SNX33: variants seen among roughly 807,000 people sequenced by gnomAD.
SNX33 encodes sorting nexin-33.
SNX33 carries 19 observed loss-of-function variants against 38.8 expected under a neutral mutation model. That is an observed-to-expected ratio of 0.49 (90% CI 0.34 to 0.72). The LOEUF is 0.72. SNX33 is among the 30% of genes least tolerant of loss of function. SNX33 has a pLI of 0.01. For synonymous variants in SNX33, 246 were observed against 289.7 expected (o/e 0.85, Z 1.53); for missense variants, 641 against 776.4 (o/e 0.83, Z 2.07).
rs1893608401 is a variant in SNX33, at chr15:75,653,425, A to G, written c.1471+2852A>G. 1.3e-5 allele frequency among the ~76,000 whole-genome samples: 2 copies of G among 152,218 alleles called. 1 individual carries two copies. ...ATGGACCCCCAACTTGACAGCCAGC[A>G]AGAGCGGGGCTGGTCCTAAGGCTCA... On this transcript the variant is annotated intron_variant, in intron 1 of 1. Coordinates refer to ENST00000308527, the MANE Select transcript of SNX33 (RefSeq NM_153271.2).
In SNX33 at chr15:75,648,467, C is replaced by CTTGGACTCGATT; in HGVS notation, c.-636_-635insTTGGACTCGATT. 1 of 985,432 alleles carries CTTGGACTCGATT rather than the reference C, an allele frequency of 1.0e-6. No homozygotes were observed. Among genetic ancestry groups the CTTGGACTCGATT allele is most frequent in the Non-Finnish European group, 1.2e-6 (1 of 829,956 alleles). The allele number at this position is 985,432 out of a possible 1,614,324, so 61.0% of individuals were successfully genotyped here. A position where few individuals can be genotyped will look rare whatever the true frequency, so the allele number is the denominator to read the frequency against. On this transcript the variant is annotated 5_prime_UTR_variant, in exon 1 of 2. Coordinates refer to ENST00000308527, the MANE Select transcript of SNX33 (RefSeq NM_153271.2). The surrounding 1 kb of genome is among the most constrained non-coding windows in gnomAD (Gnocchi z 4.4). ...TGGCTCGTTGTGAAGCCGGACACAT[C>CTTGGACTCGATT]CACCCTTGGACTCGATTCAGGCGGC...
At position 75,653,658 on chromosome 15, in the gene SNX33, C is replaced by T. The variant is rs543292837; in HGVS notation, c.1471+3085C>T. ...AAGAGGAGGGAGGAAGGCTTGGGTGCTCCTTCACTGGTCCTGTGGGCTAGA... is the reference window on the plus strand; with the variant it reads ...AAGAGGAGGGAGGAAGGCTTGGGTGTTCCTTCACTGGTCCTGTGGGCTAGA... On this transcript the variant is annotated intron_variant, in intron 1 of 1. Coordinates refer to ENST00000308527, the MANE Select transcript of SNX33 (RefSeq NM_153271.2). Among the ~76,000 whole-genome samples the T allele has an allele frequency of 9.2e-5, 14 of 152,304 alleles. No individual in the cohort carries two copies. The South Asian group carries it at 2.7e-3, about 29-fold the overall frequency.
chr15:75,654,139 C>T (rs538954257), intron 1 of SNX33, among the ~76,000 whole-genome samples: 1 of 151,844 alleles, frequency 6.6e-6, no homozygotes, highest in East Asian at 1.9e-4. Flanking sequence ...GTTTTCAAGC[C>T]ATAACATGTA....
At position 75,657,077 on chromosome 15, in the gene SNX33, C is replaced by T. The variant is rs752831144; in HGVS notation, c.1587C>T (p.Ala529=). Residue 529 remains alanine, a synonymous_variant, in exon 2 of 2, where the codon GCC becomes GCT. Coordinates refer to ENST00000308527, the MANE Select transcript of SNX33 (RefSeq NM_153271.2). The surrounding 1 kb of genome is among the most constrained non-coding windows in gnomAD (Gnocchi z 5.5). ...GCGTGGTGGGTTTCGCCCTGCAGGC[C>T]GAGATGAACCACTTCCACCAGCGCC... is the stretch of plus-strand genomic sequence containing the variant. ...RCRVVGFALQ[A]EMNHFHQRRE... 12 of 1,614,044 alleles carry T rather than the reference C, an allele frequency of 7.4e-6. No individual in the cohort carries two copies. The highest frequency in any genetic ancestry group is 4.5e-5 in the East Asian group (2 of 44,894).
At position 75,657,146 on chromosome 15, in the gene SNX33, G is replaced by T. The variant is rs776578368; in HGVS notation, c.1656G>T (p.Gln552His). The stretch of plus-strand genomic sequence containing the variant: ...ACATGATGCAGAACTACTTGCGCCA[G>T]CAGATCCTCTTCTACCAGCGGGTGG... ...FKHMMQNYLR[Q>H]QILFYQRVGQ... The change falls in exon 2 of 2, where the codon CAG becomes CAT. Residue 552 changes from glutamine to histidine, a missense_variant. Gln to His is a conservative substitution (Grantham distance 24). Coordinates refer to ENST00000308527, the MANE Select transcript of SNX33 (RefSeq NM_153271.2). This position sits in a 1 kb window ranked among gnomAD's most constrained non-coding sequence, Gnocchi z 5.5. 10 of 1,614,178 alleles carry T rather than the reference G, an allele frequency of 6.2e-6. No homozygotes were observed. Among genetic ancestry groups the T allele is most frequent in the Non-Finnish European group, 7.6e-6 (9 of 1,180,012 alleles).
Position 75,648,952 on chromosome 15 carries a change from C to G in SNX33, c.-151C>G. On this transcript the variant is annotated 5_prime_UTR_variant, in exon 1 of 2. In the 5' UTR this introduces an upstream ATG that the reference lacks. Coordinates refer to ENST00000308527, the MANE Select transcript of SNX33 (RefSeq NM_153271.2). This position sits in a 1 kb window ranked among gnomAD's most constrained non-coding sequence, Gnocchi z 4.4. ...TGAAGAGGGGGAGACTGGACAGCATCTGTGGGTGCTGAGACCCCACCTTAG... is the reference window on the plus strand; with the variant it reads ...TGAAGAGGGGGAGACTGGACAGCATGTGTGGGTGCTGAGACCCCACCTTAG... 1.1e-6 allele frequency: 1 copy of G among 915,786 alleles called. No homozygotes were observed. The highest frequency in any genetic ancestry group is 1.6e-6 in the Non-Finnish European group (1 of 632,082). The allele number at this position is 915,786 out of a possible 1,614,324, so 56.7% of individuals were successfully genotyped here. A position where few individuals can be genotyped will look rare whatever the true frequency, so the allele number is the denominator to read the frequency against.
chr15:75,656,958 C>T lies in SNX33; in HGVS notation c.1472-4C>T, dbSNP rs142340520. 4.8e-3 allele frequency: 7,682 copies of T among 1,611,650 alleles called. 480 individuals carry two copies. The Admixed American group carries it at 0.11, about 23-fold the overall frequency. On this transcript the variant is annotated splice_polypyrimidine_tract_variant and splice_region_variant and intron_variant, in intron 1 of 1. Coordinates refer to ENST00000308527, the MANE Select transcript of SNX33 (RefSeq NM_153271.2). ...CACGCTGTCCTCTGCTCTGCCTATG[C>T]CAGGCGCCTTCGCCAAGGTGAAGGA...
intron 1 of SNX33, among the ~76,000 whole-genome samples, chr15:75,652,295 G>C (rs1893594496): frequency 6.6e-6 from 1 of 152,202 alleles, no homozygotes; most frequent in Non-Finnish European, 1.5e-5. Flanking sequence ...CAGGAGTAGG[G>C]CAGGGGAGGT....
rs1893718328 is a variant in SNX33 at position 75,661,139 on chromosome 15, CGA to C, written c.*3925_*3926del. 6.6e-6 allele frequency: 1 copy of C among 152,260 alleles called. No individual in the cohort carries two copies. 9.4% of individuals were successfully genotyped at this position (152,260 alleles called of 1,614,324 possible). On this transcript the variant is annotated 3_prime_UTR_variant, in exon 2 of 2. Coordinates refer to ENST00000308527, the MANE Select transcript of SNX33 (RefSeq NM_153271.2). This position sits in a 1 kb window ranked among gnomAD's most constrained non-coding sequence, Gnocchi z 4.5. ...TGCCTCTGAAGGCCCCTGGCTGAAC[CGA>C]TCCAGCAGAGCTCCAGGCAGCTCCC... is the stretch of plus-strand genomic sequence containing the variant.
In SNX33 at chr15:75,649,169, C is replaced by G; in HGVS notation, c.67C>G (p.Gln23Glu). Residue 23 changes from glutamine (Q) to glutamate (E), a missense_variant, in exon 1 of 2, where the codon CAG (glutamine) becomes GAG (glutamate). Gln to Glu is a conservative substitution (Grantham distance 29). Coordinates refer to ENST00000308527, the MANE Select transcript of SNX33 (RefSeq NM_153271.2). This position sits in a 1 kb window ranked among gnomAD's most constrained non-coding sequence, Gnocchi z 6.6. The stretch of plus-strand genomic sequence containing the variant: ...GAACAAGGAGGAAATCAGCATCCAG[C>G]AGGATGAGGACCTGGTCATCTTTAG... ...SENKEEISIQ[Q>E]DEDLVIFSET... The G allele has an allele frequency of 6.2e-7, 1 of 1,613,650 alleles. No homozygotes were observed. Among genetic ancestry groups the G allele is most frequent in the Non-Finnish European group, 8.5e-7 (1 of 1,179,720 alleles).
At position 75,649,263 on chromosome 15, in the gene SNX33, C is replaced by G. The variant is rs1362415798; in HGVS notation, c.161C>G (p.Ser54Cys). 6.2e-7 allele frequency: 1 copy of G among 1,614,010 alleles called. No homozygotes were observed. The highest frequency in any genetic ancestry group is 8.5e-7 in the Non-Finnish European group (1 of 1,179,924). Residue 54 changes from serine (S) to cysteine (C), a missense_variant, in exon 1 of 2, where the codon TCT becomes TGT. By Grantham distance (112) the Ser-to-Cys change is moderately radical. This residue lies in a region of SNX33 where 243 missense variants were observed against 233.9 expected (regional missense o/e 1.04). Transcript: ENST00000308527. The surrounding 1 kb of genome is among the most constrained non-coding windows in gnomAD (Gnocchi z 6.6). Reference protein sequence around the residue: ...SRGETGLFPASYVEIVRSGIS... With the variant: ...SRGETGLFPACYVEIVRSGIS... ...GGGGAGACAGGGCTCTTTCCTGCCT[C>G]TTATGTGGAGATCGTCCGTTCTGGC...
rs1893732087 is a variant in SNX33, at chr15:75,662,275, T to C, written c.*5060T>C. ...TATGACTTGTGTCCTGTCTTGTAGA[T>C]ACTTAATTAAACGGTATTAATTTTG... On this transcript the variant is annotated 3_prime_UTR_variant, in exon 2 of 2. Coordinates refer to ENST00000308527, the MANE Select transcript of SNX33 (RefSeq NM_153271.2). 1 of 152,242 alleles carries C rather than the reference T, an allele frequency of 6.6e-6. No individual in the cohort carries two copies. The highest frequency in any genetic ancestry group is 2.4e-5 in the African/African-American group (1 of 41,454). The allele number at this position is 152,242 out of a possible 1,614,324, so 9.4% of individuals were successfully genotyped here.
At chr15:75,654,416 C>T (rs750321129) in intron 1 of SNX33, among the ~76,000 whole-genome samples, 24 of 152,332 alleles carry the variant, frequency 1.6e-4, no homozygotes, top group Non-Finnish European at 2.8e-4. Flanking sequence ...AGGACTCAGA[C>T]CTCCTGCTCC....
At position 75,649,691 on chromosome 15, in the gene SNX33, T is replaced by G. The variant is rs1893551196; in HGVS notation, c.589T>G (p.Phe197Val). ...CTTTGTGCGTTCTGGAGTGGAGGCC[T>G]TCATCCTGGGTGATGTGCCCATGAT... ...SCFVRSGVEA[F>V]ILGDVPMMAK... is the part of the protein sequence containing the mutation. Residue 197 changes from phenylalanine to valine, a missense_variant, in exon 1 of 2, where the codon TTC becomes GTC. Phe to Val is a conservative substitution (Grantham distance 50). Coordinates refer to ENST00000308527, the MANE Select transcript of SNX33 (RefSeq NM_153271.2). The surrounding 1 kb of genome is among the most constrained non-coding windows in gnomAD (Gnocchi z 6.6). 3.2e-6 allele frequency: 5 copies of G among 1,566,806 alleles called. No homozygotes were observed. Among genetic ancestry groups the G allele is most frequent in the Non-Finnish European group, 4.3e-6 (5 of 1,152,144 alleles).
chr15:75,655,370 TCTG>T (rs935516748), intron 1 of SNX33, among the ~76,000 whole-genome samples: 5 of 152,192 alleles, frequency 3.3e-5, no homozygotes, highest in African/African-American at 1.2e-4. Flanking sequence ...TGATCCCCCT[TCTG>T]CTGCCCAGGG....
intron 1 of SNX33, among the ~76,000 whole-genome samples, chr15:75,654,166 T>G (rs1244573672): frequency 6.6e-6 from 1 of 152,122 alleles, no homozygotes; most frequent in Non-Finnish European, 1.5e-5. Context: ...GGAGCTTCTA[T>G]TGTATCTCAG....
rs1893670379 is a variant in SNX33, at chr15:75,657,552, T to C, written c.*337T>C. The C allele has an allele frequency of 2.5e-6, 1 of 393,662 alleles. No homozygotes were observed. The highest frequency in any genetic ancestry group is 2.0e-5 in the African/African-American group (1 of 49,440). 24.4% of individuals were successfully genotyped at this position (393,662 alleles called of 1,614,324 possible). Reference sequence around the variant, plus strand: ...TGCTCACCTGGCCACTGCTGCCTTATCCATTCAGCAGACACCGAGGCCTGC... The same window carrying C: ...TGCTCACCTGGCCACTGCTGCCTTACCCATTCAGCAGACACCGAGGCCTGC... On this transcript the variant is annotated 3_prime_UTR_variant, in exon 2 of 2. Transcript: ENST00000308527. This position sits in a 1 kb window ranked among gnomAD's most constrained non-coding sequence, Gnocchi z 5.5.
chr15:75,652,458 G>A (rs1893597507), intron 1 of SNX33, among the ~76,000 whole-genome samples: 1 of 152,228 alleles, frequency 6.6e-6, no homozygotes, highest in South Asian at 2.1e-4. Context: ...AGTGGCTGGG[G>A]ACCCCCCACC....
At position 75,648,488 on chromosome 15, in the gene SNX33, G is replaced by T. The variant is rs1893526645; in HGVS notation, c.-615G>T. The T allele has an allele frequency of 4.1e-6, 4 of 985,428 alleles. No individual in the cohort carries two copies. Among genetic ancestry groups the T allele is most frequent in the Non-Finnish European group, 3.6e-6 (3 of 829,962 alleles). 61.0% of individuals were successfully genotyped at this position (985,428 alleles called of 1,614,324 possible). On this transcript the variant is annotated 5_prime_UTR_variant, in exon 1 of 2. Coordinates refer to ENST00000308527, the MANE Select transcript of SNX33 (RefSeq NM_153271.2). This position sits in a 1 kb window ranked among gnomAD's most constrained non-coding sequence, Gnocchi z 4.4. ...ACATCCACCCTTGGACTCGATTCAGGCGGCTGCTGCTTTTCTCCTTGCCCC... is the reference window on the plus strand; with the variant it reads ...ACATCCACCCTTGGACTCGATTCAGTCGGCTGCTGCTTTTCTCCTTGCCCC...
Sources: allele counts gnomAD v4.1 joint callset (sites outside exome capture counted in the v4.1 genomes callset), GRCh38; gene constraint gnomAD v4.1.1; regional missense constraint gnomAD v4.1.1; non-coding constraint Gnocchi (gnomAD v3.1); transcripts MANE v1.5; gene names NCBI Gene and HGNC (gene_info 2026-07-23, HGNC 2026-07-21).